CACYBP: variants seen among roughly 807,000 people sequenced by gnomAD.
CACYBP encodes the protein calcyclin binding protein.
A neutral mutation model predicts 29.6 loss-of-function variants in CACYBP; 11 were observed. The ratio of observed to expected loss-of-function variants is 0.37; its 90% CI spans 0.23 to 0.61. The LOEUF is 0.61. Among genes scored for constraint, CACYBP ranks in the 20% least tolerant of loss-of-function variants. The pLI is 0.65. For synonymous variants in CACYBP, 73 were observed against 88.3 expected, an observed-to-expected ratio of 0.83 and a Z score of 0.97; for missense variants, 163 against 260.7, an observed-to-expected ratio of 0.63 and a Z score of 2.58.
chr1:175,005,135 A>G (rs763820566), intron 2 of CACYBP: 4 of 363,710 alleles, frequency 1.1e-5, no homozygotes, highest in African/African-American at 6.2e-5. Flanking sequence ...GTTTTTAATC[A>G]TGTTTTATGT....
In CACYBP at chr1:175,000,035, C is replaced by T. The variant is rs1672423471; in HGVS notation, c.-146C>T. 5 of 1,197,780 alleles carry T rather than the reference C, an allele frequency of 4.2e-6. No homozygotes were observed. Among genetic ancestry groups the T allele is most frequent in the South Asian group, 1.3e-5 (1 of 76,390 alleles). The allele number at this position is 1,197,780 out of a possible 1,614,324, so 74.2% of individuals were successfully genotyped here. ...TCGCGTGCGGGAGGCGGGCCGCGAT[C>T]TTGCGCAGGGTCGGTGTGGGCGCAG... On this transcript the variant is annotated 5_prime_UTR_variant, in exon 1 of 6. Coordinates refer to ENST00000367679, the MANE Select transcript of CACYBP (RefSeq NM_014412.3).
intron 1 of CACYBP, chr1:175,000,457 G>T: frequency 7.3e-7 from 1 of 1,374,808 alleles, no homozygotes; most frequent in South Asian, 1.6e-5. Context: ...GGCGGTGCGG[G>T]GAGTGGGTCT....
chr1:175,005,821 A>C (rs766938568), intron 2 of CACYBP, among the ~76,000 whole-genome samples: 12 of 152,146 alleles, frequency 7.9e-5, no homozygotes, highest in Non-Finnish European at 1.6e-4. Context: ...GACTGACTGA[A>C]TGGGAAGAAA....
At chr1:175,008,746 T>C (rs888069084) in intron 5 of CACYBP, 40 bp downstream of exon 5, 1 of 933,718 alleles carries the variant, frequency 1.1e-6, no homozygotes, top group African/African-American at 1.6e-5. Flanking sequence ...TTTAGTGTAT[T>C]GTTTGAGATC....
intron 1 of CACYBP, among the ~76,000 whole-genome samples, chr1:175,001,803 G>A (rs1048889010): frequency 6.6e-6 from 1 of 152,156 alleles, no homozygotes. Context: ...GTGCAATGGC[G>A]CAATCTCGGC....
chr1:175,004,753 C>G lies in CACYBP; in HGVS notation c.155C>G (p.Ala52Gly), dbSNP rs1327845041. The G allele has an allele frequency of 1.2e-6, 2 of 1,613,834 alleles. No individual in the cohort carries two copies. Among genetic ancestry groups the G allele is most frequent in the Admixed American group, 1.7e-5 (1 of 60,018 alleles). ...ATGCAACAGAAATCACAGAAGAAAG[C>G]AGAACTTCTTGATAATGAAAAACCA... ...NKMQQKSQKK[A>G]ELLDNEKPAA... Residue 52 changes from alanine (A) to glycine (G), a missense_variant, in exon 2 of 6, where the codon GCA becomes GGA. Physicochemically the swap from Ala to Gly is moderately conservative, Grantham distance 60. Coordinates refer to ENST00000367679, the MANE Select transcript of CACYBP (RefSeq NM_014412.3).
intron 3 of CACYBP, 111 bp from the exon 4 acceptor site, chr1:175,006,987 G>C: frequency 1.2e-6 from 1 of 857,984 alleles, no homozygotes; most frequent in Non-Finnish European, 1.9e-6. Flanking sequence ...GCGTTAACTG[G>C]CCAAATGCAC....
chr1:175,009,677 C>A (rs1304655770), intron 5 of CACYBP, among the ~76,000 whole-genome samples: 3 of 150,386 alleles, frequency 2.0e-5, no homozygotes, highest in Non-Finnish European at 4.4e-5. Flanking sequence ...CATGGGAAAT[C>A]CCTGTGCCTA....
chr1:175,009,813 ACT>A, intron 5 of CACYBP, 108 bp from the exon 6 acceptor site: 2 of 744,380 alleles, frequency 2.7e-6, no homozygotes, highest in Non-Finnish European at 2.2e-6. Flanking sequence ...ATCTTTGGGT[ACT>A]CTGTCTTCCT....
intron 5 of CACYBP, 163 bp downstream of exon 5, chr1:175,008,869 G>T: frequency 1.7e-6 from 1 of 591,882 alleles, no homozygotes; most frequent in Non-Finnish European, 3.1e-6. Flanking sequence ...GTAGTTAAGG[G>T]TTGGCTCTTT....
chr1:175,000,796 A>C (rs1672457814), intron 1 of CACYBP, among the ~76,000 whole-genome samples: 1 of 152,230 alleles, frequency 6.6e-6, no homozygotes, highest in Non-Finnish European at 1.5e-5. Context: ...TGATTTTTAA[A>C]ATAAATAACT....
rs578199333 is a variant in CACYBP at position 175,002,858 on chromosome 1, T to TA, written c.16-1753dup. The stretch of plus-strand genomic sequence containing the variant: ...GAAGTACCTTTCTCATTCTGCTAGA[T>TA]AAAGTATTCCTATTTCAGTCAAAAA... On this transcript the variant is annotated intron_variant, in intron 1 of 5. Transcript: ENST00000367679. Among the ~76,000 whole-genome samples the TA allele has an allele frequency of 6.9e-4, 105 of 152,338 alleles. 1 individual carries two copies. Among genetic ancestry groups the TA allele is most frequent in the African/African-American group, 2.3e-3 (97 of 41,574 alleles).
At chr1:175,005,866 G>A (rs1322310854) in intron 2 of CACYBP, among the ~76,000 whole-genome samples, 1 of 151,958 alleles carries the variant, frequency 6.6e-6, no homozygotes, top group Non-Finnish European at 1.5e-5. Flanking sequence ...ACCCCACTAG[G>A]GCATTTTTTC....
In CACYBP at chr1:175,004,764, G is replaced by C; in HGVS notation, c.166G>C (p.Asp56His). Residue 56 changes from aspartate (D) to histidine (H), a missense_variant, in exon 2 of 6, where the codon GAT becomes CAT. Asp to His is a moderately conservative substitution (Grantham distance 81, BLOSUM62 -1). Transcript: ENST00000367679. ...ATCACAGAAGAAAGCAGAACTTCTTGATAATGAAAAACCAGCTGCTGTGGT... is the reference window on the plus strand; with the variant it reads ...ATCACAGAAGAAAGCAGAACTTCTTCATAATGAAAAACCAGCTGCTGTGGT... ...QKSQKKAELLDNEKPAAVVAP... is the reference protein window; with the variant it reads ...QKSQKKAELLHNEKPAAVVAP... 6.2e-7 allele frequency: 1 copy of C among 1,613,966 alleles called. No individual in the cohort carries two copies. The highest frequency in any genetic ancestry group is 2.2e-5 in the East Asian group (1 of 44,864).
At chr1:175,006,005 A>G (rs1672612145) in intron 2 of CACYBP, among the ~76,000 whole-genome samples, 1 of 152,198 alleles carries the variant, frequency 6.6e-6, no homozygotes, top group Admixed American at 6.5e-5. Context: ...TTTCTATTCT[A>G]TAGGACTAAG....
intron 5 of CACYBP, 36 bp from the exon 6 acceptor site, chr1:175,009,886 TC>T: frequency 6.4e-7 from 1 of 1,559,486 alleles, no homozygotes; most frequent in East Asian, 2.3e-5. Flanking sequence ...TCCGGTGCTT[TC>T]GTTTCCCCAT....
chr1:175,002,129 C>T (rs1672507093), intron 1 of CACYBP, among the ~76,000 whole-genome samples: 1 of 152,136 alleles, frequency 6.6e-6, no homozygotes, highest in Non-Finnish European at 1.5e-5. Context: ...TTTCAGTTCT[C>T]TGGGGTATAT....
chr1:175,007,323 TG>T, intron 4 of CACYBP, 126 bp downstream of exon 4: 1 of 632,526 alleles, frequency 1.6e-6, no homozygotes, highest in Non-Finnish European at 2.8e-6. Flanking sequence ...GTTTTGTGAA[TG>T]TTTTATTGGG....
At chr1:175,003,875 ATGATGGAT>A (rs1279122251) in intron 1 of CACYBP, among the ~76,000 whole-genome samples, 1 of 152,170 alleles carries the variant, frequency 6.6e-6, no homozygotes, top group Non-Finnish European at 1.5e-5. Context: ...ACTTTAATAG[ATGATGGAT>A]TGGCAAGAGA....
Sources: allele counts gnomAD v4.1 joint callset (sites outside exome capture counted in the v4.1 genomes callset), GRCh38; gene constraint gnomAD v4.1.1; transcripts MANE v1.5; gene names NCBI Gene and HGNC (gene_info 2026-07-23, HGNC 2026-07-21).